MMP12: variants seen among roughly 807,000 people sequenced by gnomAD.
The protein encoded by MMP12 is macrophage metalloelastase.
MMP12 carries 51 observed loss-of-function variants against 45.2 expected under a neutral mutation model. The ratio of observed to expected loss-of-function variants is 1.13; its 90% CI spans 0.90 to 1.42. MMP12 has a LOEUF of 1.42. MMP12 is among the 40% of genes most tolerant of loss of function. The pLI, the probability that MMP12 is intolerant of heterozygous loss-of-function variation, is 0.00. For missense variants in MMP12, 530 were observed against 570.8 expected, an observed-to-expected ratio of 0.93 and a Z score of 0.73; for synonymous variants, 210 against 193.3, an observed-to-expected ratio of 1.09 and a Z score of -0.72.
intron 4 of MMP12, among the ~76,000 whole-genome samples, chr11:102,871,308 T>G (rs1859489886): frequency 6.6e-6 from 1 of 152,192 alleles, no homozygotes; most frequent in African/African-American, 2.4e-5. Flanking sequence ...GAGCTTATGC[T>G]AATGAACTAG....
intron 7 of MMP12, 68 bp from the exon 8 acceptor site, chr11:102,866,003 C>T (rs1354664417): frequency 5.0e-6 from 6 of 1,211,136 alleles, no homozygotes; most frequent in Non-Finnish European, 7.0e-6. Context: ...TATTGATTTA[C>T]TATAAACAAC....
chr11:102,871,628 G>A lies in MMP12; in HGVS notation c.591C>T (p.Phe197=), dbSNP rs202054339. ...GTGTAGTCCAGAATTCGTCCTCATC[G>A]AAATGTGCATCCCCTCCAATGCCAG... ...PGSGIGGDAH[F]DEDEFWTTHS... Residue 197 remains phenylalanine, a synonymous_variant, in exon 4 of 10, where the codon TTC becomes TTT. Coordinates refer to ENST00000571244, the MANE Select transcript of MMP12 (RefSeq NM_002426.6). 2.7e-5 allele frequency: 43 copies of A among 1,564,968 alleles called. 1 individual carries two copies. The highest frequency in any genetic ancestry group is 3.5e-5 in the South Asian group (3 of 85,214).
In MMP12 at chr11:102,871,863, A is replaced by G. The variant is rs1555009410; in HGVS notation, c.440T>C (p.Leu147Ser). ...GCCTGTGTTAATCTTGCTGAATTTC[A>G]AGGGGGTAACATTACTCCATACTTG... is the stretch of plus-strand genomic sequence containing the variant. ...AFQVWSNVTP[L>S]KFSKINTGMA... The change falls in exon 3 of 10, where the codon TTG becomes TCG. Residue 147 changes from leucine (L) to serine (S), a missense_variant. Coordinates refer to ENST00000571244, the MANE Select transcript of MMP12 (RefSeq NM_002426.6). The G allele has an allele frequency of 2.5e-6, 4 of 1,613,820 alleles. No individual in the cohort carries two copies. In the South Asian group the frequency reaches 3.3e-5, roughly 13 times the overall value.
intron 4 of MMP12, among the ~76,000 whole-genome samples, chr11:102,870,138 C>CT (rs1356266862): frequency 6.6e-6 from 1 of 152,190 alleles, no homozygotes; most frequent in African/African-American, 2.4e-5. Context: ...TTCTCTTTGT[C>CT]TTAATTTCCT....
At chr11:102,869,247 C>T (rs923636653) in intron 4 of MMP12, among the ~76,000 whole-genome samples, 22 of 151,912 alleles carry the variant, frequency 1.4e-4, no homozygotes, top group African/African-American at 5.3e-4. Flanking sequence ...CCTTGGAATA[C>T]TCTCCCATAC....
At chr11:102,868,392 C>T (rs1387296042) in intron 4 of MMP12, among the ~76,000 whole-genome samples, 1 of 152,154 alleles carries the variant, frequency 6.6e-6, no homozygotes, top group Non-Finnish European at 1.5e-5. Flanking sequence ...TTAGGGACCT[C>T]TGTACTAGTA....
chr11:102,869,673 G>T lies in MMP12; in HGVS notation c.626-1604C>A, dbSNP rs193284291. On this transcript the variant is annotated intron_variant, in intron 4 of 9. Transcript: ENST00000571244. The stretch of plus-strand genomic sequence containing the variant: ...CACCTATAATCCCAGCACTTTGGGA[G>T]ACCAAGGCAGGCGGATCACCTGAGG... 1.2e-4 allele frequency among the ~76,000 whole-genome samples: 18 copies of T among 151,864 alleles called. No homozygotes were observed. In the East Asian group the frequency reaches 3.3e-3, roughly 28 times the overall value.
chr11:102,874,916 G>A lies in MMP12; in HGVS notation c.22C>T (p.Leu8Phe). 3 of 1,599,876 alleles carry A rather than the reference G, an allele frequency of 1.9e-6. No individual in the cohort carries two copies. Among genetic ancestry groups the A allele is most frequent in the Non-Finnish European group, 2.6e-6 (3 of 1,172,564 alleles). Residue 8 changes from leucine (L) to phenylalanine (F), a missense_variant, in exon 1 of 10, where the codon CTC becomes TTC. Leu to Phe is a conservative substitution (Grantham distance 22). Coordinates refer to ENST00000571244, the MANE Select transcript of MMP12 (RefSeq NM_002426.6). MKFLLIL[L>F]LQATASGALP... ...GCTCCAGAAGCAGTGGCCTGCAGGA[G>A]CAGTATTAGAAGAAACTTCATTGTA...
chr11:102,871,046 CAT>C (rs1208411753), intron 4 of MMP12, among the ~76,000 whole-genome samples: 1 of 152,062 alleles, frequency 6.6e-6, no homozygotes, highest in East Asian at 1.9e-4. Flanking sequence ...CTCGAGGCAA[CAT>C]AGCAAGATCC....
chr11:102,872,988 G>T lies in MMP12; in HGVS notation c.227C>A (p.Thr76Asn). The stretch of plus-strand genomic sequence containing the variant: ...CAGGGTAGATGTGTCCAGTTGCCCG[G>T]TCACTTTCAGACCCAAGAAGTGCTG... ...EMQHFLGLKV[T>N]GQLDTSTLEM... is the part of the protein sequence containing the mutation. Residue 76 changes from threonine to asparagine, a missense_variant, in exon 2 of 10, where the codon ACC becomes AAC. Coordinates refer to ENST00000571244, the MANE Select transcript of MMP12 (RefSeq NM_002426.6). 6.2e-7 allele frequency: 1 copy of T among 1,613,608 alleles called. No homozygotes were observed. The highest frequency in any genetic ancestry group is 8.5e-7 in the Non-Finnish European group (1 of 1,179,722).
In MMP12 at chr11:102,866,345, C is replaced by T; in HGVS notation, c.1015G>A (p.Glu339Lys). 6.3e-7 allele frequency: 1 copy of T among 1,592,770 alleles called. No homozygotes were observed. The highest frequency in any genetic ancestry group is 1.7e-4 in the Middle Eastern group (1 of 6,038). Residue 339 changes from glutamate to lysine, a missense_variant, in exon 7 of 10, where the codon GAA (glutamate) becomes AAA (lysine). Coordinates refer to ENST00000571244, the MANE Select transcript of MMP12 (RefSeq NM_002426.6). Reference sequence around the variant, plus strand: ...AAAAGAAAAACTTGATTTCTGGCTTCAATTTCATAAGCAGCTTCAATGCCA... The same window carrying T: ...AAAAGAAAAACTTGATTTCTGGCTTTAATTTCATAAGCAGCTTCAATGCCA... ...PSGIEAAYEI[E>K]ARNQVFLFKD...
chr11:102,872,987 G>A lies in MMP12; in HGVS notation c.228C>T (p.Thr76=), dbSNP rs797025561. ...EMQHFLGLKV[T]GQLDTSTLEM... is the part of the protein sequence containing the mutation. ...CCAGGGTAGATGTGTCCAGTTGCCC[G>A]GTCACTTTCAGACCCAAGAAGTGCT... The change falls in exon 2 of 10, where the codon ACC becomes ACT. Residue 76 remains threonine, a synonymous_variant. Transcript: ENST00000571244. The A allele has an allele frequency of 1.1e-5, 18 of 1,613,282 alleles. No individual in the cohort carries two copies. The highest frequency in any genetic ancestry group is 2.2e-5 in the South Asian group (2 of 90,948).
Sources: gnomAD v4.1 joint callset for allele counts (sites outside exome capture counted in the v4.1 genomes callset) on GRCh38, gnomAD v4.1.1 for gene constraint, MANE v1.5 for transcripts, NCBI Gene and HGNC (gene_info 2026-07-23, HGNC 2026-07-21) for gene names.